EGFR: variants seen among roughly 807,000 people sequenced by gnomAD.
EGFR encodes the protein epidermal growth factor receptor.
Under a neutral mutation model 143.0 loss-of-function variants are expected in EGFR, and 58 were observed. The observed-to-expected ratio is 0.41, with a 90% confidence interval of 0.33 to 0.50. EGFR has a LOEUF of 0.50. Among genes scored for constraint, EGFR ranks in the 20% least tolerant of loss-of-function variants. The pLI is 0.39. For synonymous variants in EGFR, 613 were observed against 594.4 expected (o/e 1.03, Z -0.45); for missense variants, 1,307 against 1,579.0 (o/e 0.83, Z 2.92).
Position 55,209,972 on chromosome 7 carries a change from C to G in EGFR, c.*4355C>G, listed in dbSNP as rs1788200373. 6.6e-6 allele frequency: 1 copy of G among 152,140 alleles called. No homozygotes were observed. The highest frequency in any genetic ancestry group is 1.5e-5 in the Non-Finnish European group (1 of 68,034). 9.4% of individuals were successfully genotyped at this position (152,140 alleles called of 1,614,324 possible). The stretch of plus-strand genomic sequence containing the variant: ...GGCACAACCTCATTGGGGAGCTAAG[C>G]TAGGTCATTGTCATGGTGAAGAAGA... On this transcript the variant is annotated 3_prime_UTR_variant, in exon 28 of 28. Coordinates refer to ENST00000275493, the MANE Select transcript of EGFR (RefSeq NM_005228.5).
intron 10 of EGFR, chr7:55,157,087 T>C: frequency 1.2e-6 from 1 of 849,654 alleles, no homozygotes; most frequent in Admixed American, 3.0e-5. Flanking sequence ...CCAGCTGCCT[T>C]GGTGGCCCAT....
chr7:55,110,418 C>T (rs17336205), intron 1 of EGFR, among the ~76,000 whole-genome samples: 5,809 of 152,234 alleles, frequency 0.038, 250 homozygotes, highest in East Asian at 0.18. Flanking sequence ...GTCTGCGGGG[C>T]GTCCTCACAC....
chr7:55,027,987 A>ATAT (rs1158500265), intron 1 of EGFR, among the ~76,000 whole-genome samples: 7 of 79,132 alleles, frequency 8.8e-5, no homozygotes, highest in African/African-American at 2.6e-4. Context: ...AAAAAAAAAA[A>ATAT]AAAAATATAT....
chr7:55,100,857 C>A (rs1156271560), intron 1 of EGFR, among the ~76,000 whole-genome samples: 1 of 152,270 alleles, frequency 6.6e-6, no homozygotes, highest in African/African-American at 2.4e-5. Flanking sequence ...TGACAGGGAA[C>A]TTGCCACTGC....
chr7:55,146,870 A>T, intron 4 of EGFR, 130 bp downstream of exon 4: 3 of 1,294,002 alleles, frequency 2.3e-6, no homozygotes, highest in Non-Finnish European at 3.3e-6. Context: ...TAAGCAAAAT[A>T]TCTGACCACT....
Position 55,019,301 on chromosome 7 carries a change from G to T in EGFR, c.24G>T (p.Gly8=). The T allele has an allele frequency of 6.6e-7, 1 of 1,516,060 alleles. No homozygotes were observed. 93.9% of individuals were successfully genotyped at this position (1,516,060 alleles called of 1,614,324 possible). A position where few individuals can be genotyped will look rare whatever the true frequency, so the allele number is the denominator to read the frequency against. The change falls in exon 1 of 28, where the codon GGG becomes GGT. Residue 8 remains glycine (G), a synonymous_variant. Coordinates refer to ENST00000275493, the MANE Select transcript of EGFR (RefSeq NM_005228.5). ...CGATGCGACCCTCCGGGACGGCCGG[G>T]GCAGCGCTCCTGGCGCTGCTGGCTG... The part of the protein sequence containing the change: MRPSGTA[G]AALLALLAAL...
At chr7:55,029,085 G>A (rs1787103586) in intron 1 of EGFR, among the ~76,000 whole-genome samples, 1 of 152,142 alleles carries the variant, frequency 6.6e-6, no homozygotes, top group African/African-American at 2.4e-5. Flanking sequence ...CTTAAACCTG[G>A]AAGGCAGGGG....
intron 18 of EGFR, among the ~76,000 whole-genome samples, chr7:55,174,250 T>C (rs764008510): frequency 6.6e-6 from 1 of 152,204 alleles, no homozygotes; most frequent in Non-Finnish European, 1.5e-5. Context: ...TGAGACCAAT[T>C]CACAGACCAA....
At chr7:55,051,368 T>C (rs1001669230) in intron 1 of EGFR, among the ~76,000 whole-genome samples, 1 of 152,172 alleles carries the variant, frequency 6.6e-6, no homozygotes, top group Non-Finnish European at 1.5e-5. Flanking sequence ...CATAAGGCTC[T>C]GCCCTCATGG....
At chr7:55,202,415 C>T (rs1298550514) in intron 26 of EGFR, 102 bp from the exon 27 acceptor site, 3 of 1,018,768 alleles carry the variant, frequency 2.9e-6, no homozygotes, top group Non-Finnish European at 4.5e-6. Context: ...GCCCAACCTA[C>T]TAATCAGAAC....
At chr7:55,039,952 T>C (rs1237796133) in intron 1 of EGFR, among the ~76,000 whole-genome samples, 3 of 152,212 alleles carry the variant, frequency 2.0e-5, no homozygotes, top group Admixed American at 6.5e-5. Context: ...TCTCTTACTA[T>C]ACACTGGTAG....
chr7:55,177,813 G>A (rs1413837296), intron 19 of EGFR, among the ~76,000 whole-genome samples: 1 of 152,258 alleles, frequency 6.6e-6, no homozygotes, highest in South Asian at 2.1e-4. Context: ...GGGGCTCCAC[G>A]AAGATTGTTG....
intron 1 of EGFR, among the ~76,000 whole-genome samples, chr7:55,020,141 CGCCCCTTGGGCGCA>C (rs1786455334): frequency 6.6e-6 from 1 of 152,236 alleles, no homozygotes; most frequent in African/African-American, 2.4e-5. Flanking sequence ...GGGTCCGACC[CGCCCCTTGGGCGCA>C]GACCCCGGCC....
rs940826310 is a variant in EGFR at position 55,087,328 on chromosome 7, A to G, written c.89-54958A>G. Among the ~76,000 whole-genome samples, 4 of 150,378 alleles carry G rather than the reference A, an allele frequency of 2.7e-5. No individual in the cohort carries two copies. In the South Asian group the frequency reaches 8.5e-4, roughly 32 times the overall value. On this transcript the variant is annotated intron_variant, in intron 1 of 27. Transcript: ENST00000275493. ...ACTCTGAGGATATGCTTATAATCCC[A>G]TAGCTAACCCAGAATTTCTTAGAGA...
intron 20 of EGFR, among the ~76,000 whole-genome samples, chr7:55,189,671 C>G (rs932744523): frequency 6.6e-6 from 1 of 152,138 alleles, no homozygotes. Context: ...GTGTGTGGCT[C>G]TTTACTGTAG....
chr7:55,104,149 T>C (rs906683699), intron 1 of EGFR, among the ~76,000 whole-genome samples: 2 of 152,218 alleles, frequency 1.3e-5, no homozygotes, highest in Admixed American at 1.3e-4. Context: ...AAGGAGCAGC[T>C]TCTCGAATGC....
At chr7:55,085,980 C>A (rs1416080130) in intron 1 of EGFR, among the ~76,000 whole-genome samples, 2 of 152,168 alleles carry the variant, frequency 1.3e-5, no homozygotes, top group African/African-American at 2.4e-5. Context: ...ATCCCCACCC[C>A]CTAGAAGCCC....
intron 1 of EGFR, among the ~76,000 whole-genome samples, chr7:55,103,737 A>G (rs1791959381): frequency 6.6e-6 from 1 of 152,178 alleles, no homozygotes; most frequent in Non-Finnish European, 1.5e-5. Flanking sequence ...TGACCTGTAA[A>G]AGACTCTTAA....
intron 1 of EGFR, among the ~76,000 whole-genome samples, chr7:55,099,791 G>T (rs116676665): frequency 1.3e-5 from 2 of 151,642 alleles, no homozygotes; most frequent in Middle Eastern, 3.4e-3. Flanking sequence ...CACTTCCAGT[G>T]TCTTTTGCCA....
Sources: allele counts gnomAD v4.1 joint callset (sites outside exome capture counted in the v4.1 genomes callset), GRCh38; gene constraint gnomAD v4.1.1; transcripts MANE v1.5; gene names NCBI Gene and HGNC (gene_info 2026-07-23, HGNC 2026-07-21).